HHIP: variants seen among roughly 807,000 people sequenced by gnomAD.
The protein encoded by HHIP is hedgehog-interacting protein.
A neutral mutation model predicts 74.0 loss-of-function variants in HHIP; 12 were observed. That is an observed-to-expected ratio of 0.16 (90% CI 0.10 to 0.26). HHIP has a LOEUF of 0.26. HHIP is among the 10% of genes least tolerant of loss of function. HHIP has a pLI of 1.00. For missense variants in HHIP, 788 were observed against 845.0 expected, an observed-to-expected ratio of 0.93 and a Z score of 0.84; for synonymous variants, 309 against 311.6, an observed-to-expected ratio of 0.99 and a Z score of 0.09.
At chr4:144,736,019 T>C (rs1731107145) in intron 12 of HHIP, among the ~76,000 whole-genome samples, 1 of 152,192 alleles carries the variant, frequency 6.6e-6, no homozygotes, top group African/African-American at 2.4e-5. Flanking sequence ...CTCTGTCTTT[T>C]TGTTGGTTGA....
chr4:144,652,723 G>A lies in HHIP; in HGVS notation c.398G>A (p.Arg133Lys). 6.2e-7 allele frequency: 1 copy of A among 1,613,096 alleles called. No homozygotes were observed. The highest frequency in any genetic ancestry group is 8.5e-7 in the Non-Finnish European group (1 of 1,179,254). ...TCACCTGAGAGAGAAGTCTTGGAAA[G>A]AGACCTAGTACTTCCTCTGCTCTGC... Reference protein sequence around the residue: ...FHSPEREVLERDLVLPLLCKD... With the variant: ...FHSPEREVLEKDLVLPLLCKD... The change falls in exon 2 of 13, where the codon AGA becomes AAA. Residue 133 changes from arginine (R) to lysine (K), a missense_variant. Coordinates refer to ENST00000296575, the MANE Select transcript of HHIP (RefSeq NM_022475.3).
chr4:144,718,500 AAC>A (rs1730524533), intron 10 of HHIP, among the ~76,000 whole-genome samples: 1 of 152,206 alleles, frequency 6.6e-6, no homozygotes, highest in Non-Finnish European at 1.5e-5. Context: ...AGGGCATTGA[AAC>A]AAAGGAGTGT....
In HHIP at chr4:144,695,850, G is replaced by A. The variant is rs1407909614; in HGVS notation, c.832-10681G>A. 2.6e-5 allele frequency among the ~76,000 whole-genome samples: 4 copies of A among 151,798 alleles called. No homozygotes were observed. The East Asian group carries it at 7.7e-4, about 29-fold the overall frequency. On this transcript the variant is annotated intron_variant, in intron 4 of 12. Transcript: ENST00000296575. ...CCACAAATCTTTATCAAAAGTATGT[G>A]GTGAGCCTGGTGCTAAATATAAGTA...
At chr4:144,736,485 T>C (rs1469717679) in intron 12 of HHIP, among the ~76,000 whole-genome samples, 1 of 152,174 alleles carries the variant, frequency 6.6e-6, no homozygotes, top group East Asian at 1.9e-4. Flanking sequence ...CATTCTGTTA[T>C]ATTCCCTGCT....
intron 2 of HHIP, chr4:144,655,124 T>C (rs1006270941): frequency 6.6e-6 from 1 of 152,216 alleles, no homozygotes; most frequent in African/African-American, 2.4e-5. Flanking sequence ...ATAAGATAGC[T>C]ACTTCCTAGA....
chr4:144,663,737 T>C (rs1416933433), intron 4 of HHIP, among the ~76,000 whole-genome samples: 1 of 152,182 alleles, frequency 6.6e-6, no homozygotes, highest in Admixed American at 6.5e-5. Flanking sequence ...TTAATCTTTT[T>C]CTGTTTTTGT....
rs751349217 is a variant in HHIP, at chr4:144,707,120, C to T, written c.1017C>T (p.Ala339=). 6.2e-7 allele frequency: 1 copy of T among 1,614,068 alleles called. No individual in the cohort carries two copies. The highest frequency in any genetic ancestry group is 8.5e-7 in the Non-Finnish European group (1 of 1,179,978). The change falls in exon 6 of 13, where the codon GCC becomes GCT. Residue 339 remains alanine, a synonymous_variant. Coordinates refer to ENST00000296575, the MANE Select transcript of HHIP (RefSeq NM_022475.3). The part of the protein sequence containing the change: ...KNPHQVDLRT[A]RVFLEVAELH... ...CACACCAAGTTGATTTGAGAACAGC[C>T]AGAGTCTTTCTTGAAGTTGCAGAAC... is the stretch of plus-strand genomic sequence containing the variant.
Position 144,740,494 on chromosome 4 carries a change from C to A in HHIP, c.*2537C>A, listed in dbSNP as rs960777851. On this transcript the variant is annotated 3_prime_UTR_variant, in exon 13 of 13. Transcript: ENST00000296575. Reference sequence around the variant, plus strand: ...TTAAGCCAAGCAAAGAAAGTAAAATCATTGGAGTCATTTCTTTCTGTTCTT... The same window carrying A: ...TTAAGCCAAGCAAAGAAAGTAAAATAATTGGAGTCATTTCTTTCTGTTCTT... 6.6e-6 allele frequency: 1 copy of A among 152,174 alleles called. No individual in the cohort carries two copies. Among genetic ancestry groups the A allele is most frequent in the African/African-American group, 2.4e-5 (1 of 41,456 alleles). The allele number at this position is 152,174 out of a possible 1,614,324, so 9.4% of individuals were successfully genotyped here. A position where few individuals can be genotyped will look rare whatever the true frequency, so the allele number is the denominator to read the frequency against.
At chr4:144,694,826 C>G (rs947794265) in intron 4 of HHIP, among the ~76,000 whole-genome samples, 26 of 151,676 alleles carry the variant, frequency 1.7e-4, no homozygotes, top group Admixed American at 1.7e-3. Flanking sequence ...GAGATTTTAG[C>G]TTTAAAGATG....
intron 11 of HHIP, among the ~76,000 whole-genome samples, chr4:144,730,916 T>C (rs2126686176): frequency 6.6e-6 from 1 of 152,310 alleles, no homozygotes; most frequent in Non-Finnish European, 1.5e-5. Context: ...TTTAATGTGT[T>C]GACTTAATTC....
intron 3 of HHIP, 47 bp downstream of exon 3, chr4:144,658,993 G>A (rs779279532): frequency 6.7e-7 from 1 of 1,495,426 alleles, no homozygotes; most frequent in South Asian, 1.3e-5. Context: ...AAACCCAACT[G>A]ACAAATCTTG....
chr4:144,686,668 T>G (rs1057376807), intron 4 of HHIP, among the ~76,000 whole-genome samples: 3 of 152,196 alleles, frequency 2.0e-5, no homozygotes, highest in African/African-American at 7.2e-5. Flanking sequence ...AAAAACAACT[T>G]AGACTTTTAA....
intron 4 of HHIP, among the ~76,000 whole-genome samples, chr4:144,677,573 T>A (rs1258597020): frequency 1.3e-5 from 2 of 152,118 alleles, no homozygotes; most frequent in East Asian, 3.9e-4. Context: ...CAGCCACAAG[T>A]GTGGAAAGGG....
intron 4 of HHIP, among the ~76,000 whole-genome samples, chr4:144,682,545 TAGAA>T (rs776626702): frequency 1.3e-5 from 2 of 151,908 alleles, no homozygotes; most frequent in Admixed American, 6.5e-5. Context: ...ATAAAGCTGT[TAGAA>T]AGAGAGAGAG....
At chr4:144,677,492 C>T (rs1729201916) in intron 4 of HHIP, among the ~76,000 whole-genome samples, 1 of 152,086 alleles carries the variant, frequency 6.6e-6, no homozygotes, top group South Asian at 2.1e-4. Flanking sequence ...TGGATTGGGC[C>T]CCACACCCAT....
In HHIP at chr4:144,659,640, G is replaced by A. The variant is rs762375765; in HGVS notation, c.633G>A (p.Lys211=). Residue 211 remains lysine, a synonymous_variant, in exon 4 of 13, where the codon AAG becomes AAA. Transcript: ENST00000296575. ...EYDKVEEISR[K]HKHNCFCIQE... ...CGGTTTTCTTTAATTTGTTTAGAAA[G>A]CACAAACACAACTGCTTCTGTATTC... 1.4e-6 allele frequency: 2 copies of A among 1,474,238 alleles called. No homozygotes were observed. The highest frequency in any genetic ancestry group is 2.5e-5 in the Admixed American group (1 of 39,922). The allele number at this position is 1,474,238 out of a possible 1,614,324, so 91.3% of individuals were successfully genotyped here. A position where few individuals can be genotyped will look rare whatever the true frequency, so the allele number is the denominator to read the frequency against.
intron 1 of HHIP, chr4:144,648,566 T>C (rs1209990122): frequency 6.6e-6 from 1 of 152,204 alleles, no homozygotes; most frequent in Non-Finnish European, 1.5e-5. Flanking sequence ...AATAGCTATA[T>C]TCAGGTCACC....
chr4:144,690,363 G>C (rs1272104915), intron 4 of HHIP, among the ~76,000 whole-genome samples: 1 of 152,188 alleles, frequency 6.6e-6, no homozygotes, highest in Non-Finnish European at 1.5e-5. Context: ...TATGATGGTA[G>C]TATGGTGTCC....
intron 4 of HHIP, among the ~76,000 whole-genome samples, chr4:144,672,041 A>G (rs1393057218): frequency 6.6e-6 from 1 of 152,084 alleles, no homozygotes; most frequent in Admixed American, 6.5e-5. Flanking sequence ...TTCTTGTTCT[A>G]CAATTCTGAG....
Sources: gnomAD v4.1 joint callset for allele counts (sites outside exome capture counted in the v4.1 genomes callset) on GRCh38, gnomAD v4.1.1 for gene constraint, MANE v1.5 for transcripts, NCBI Gene and HGNC (gene_info 2026-07-23, HGNC 2026-07-21) for gene names.